Variants in OSBPL3 observed in about 807,000 individuals in gnomAD.
The protein encoded by OSBPL3 is oxysterol binding protein like 3.
OSBPL3 carries 65 observed loss-of-function variants against 120.1 expected under a neutral mutation model. That is an observed-to-expected ratio of 0.54 (90% CI 0.44 to 0.67). The LOEUF is 0.67. Ranked by LOEUF, OSBPL3 falls within the 30% of genes least tolerant of loss-of-function variation. The probability of loss-of-function intolerance (pLI) is 0.00; values close to 1 mark genes in which losing one functional copy is unlikely to be tolerated. For missense variants in OSBPL3, 1,004 were observed against 1,082.1 expected (o/e 0.93, Z 1.01); for synonymous variants, 416 against 402.6 (o/e 1.03, Z -0.40).
rs890688023 is a variant in OSBPL3, at chr7:24,891,905, G to A, written c.96+472C>T. ...TCTGTGGTTACAAGCTGCCATAAAA[G>A]GTTTGATGAAGGGAAGAAAGTTGGG... On this transcript the variant is annotated intron_variant, in intron 2 of 22. Coordinates refer to ENST00000313367, the MANE Select transcript of OSBPL3 (RefSeq NM_015550.4). The surrounding 1 kb of genome is among the most constrained non-coding windows in gnomAD (Gnocchi z 4.1). 6.6e-6 allele frequency among the ~76,000 whole-genome samples: 1 copy of A among 152,156 alleles called. No homozygotes were observed. Among genetic ancestry groups the A allele is most frequent in the African/African-American group, 2.4e-5 (1 of 41,438 alleles).
chr7:24,828,169 C>CATGT (rs1346115102), intron 16 of OSBPL3, among the ~76,000 whole-genome samples: 1 of 152,118 alleles, frequency 6.6e-6, no homozygotes, highest in Non-Finnish European at 1.5e-5. Context: ...GGATTATAGG[C>CATGT]ATGTGACACC....
intron 20 of OSBPL3, among the ~76,000 whole-genome samples, chr7:24,807,135 C>A (rs1247691941): frequency 6.6e-6 from 1 of 152,154 alleles, no homozygotes; most frequent in African/African-American, 2.4e-5. Flanking sequence ...GGTCAGAAAG[C>A]AAATTTATAC....
Position 24,892,369 on chromosome 7 carries a change from A to C in OSBPL3, c.96+8T>G. ...TGCATATTAAAATTTGCATGAGTTA[A>C]ACTTTACCTGTCGACTTCCTTGCTT... On this transcript the variant is annotated splice_region_variant and intron_variant, in intron 2 of 22. Transcript: ENST00000313367. The C allele has an allele frequency of 6.2e-7, 1 of 1,612,598 alleles. No homozygotes were observed. The highest frequency in any genetic ancestry group is 1.1e-5 in the South Asian group (1 of 90,988).
intron 1 of OSBPL3, among the ~76,000 whole-genome samples, chr7:24,976,448 C>T (rs1432405157): frequency 6.6e-6 from 1 of 152,078 alleles, no homozygotes; most frequent in Non-Finnish European, 1.5e-5. Flanking sequence ...AACTAAGATG[C>T]TGCAGGGCCT....
At chr7:24,929,781 T>C (rs1050781854) in intron 1 of OSBPL3, among the ~76,000 whole-genome samples, 13 of 152,230 alleles carry the variant, frequency 8.5e-5, no homozygotes, top group African/African-American at 3.1e-4. Context: ...TTAAAAAACG[T>C]TTCTGATTCC....
rs1218813371 is a variant in OSBPL3, at chr7:24,845,388, A to T, written c.1267-2975T>A. Among the ~76,000 whole-genome samples, 12 of 69,046 alleles carry T rather than the reference A, an allele frequency of 1.7e-4. No homozygotes were observed. The East Asian group carries it at 3.4e-3, about 20-fold the overall frequency. 45.3% of individuals were successfully genotyped at this position (69,046 alleles called of 152,430 possible). ...TTACAAATATTGCAAAATAAGTAAA[A>T]AAAAAAAAAAAAAAAAAAAAAAAAA... On this transcript the variant is annotated intron_variant, in intron 12 of 22. Coordinates refer to ENST00000313367, the MANE Select transcript of OSBPL3 (RefSeq NM_015550.4).
chr7:24,916,129 G>A lies in OSBPL3; in HGVS notation c.-149-23508C>T, dbSNP rs576261582. ...CCATCCTGACTCCCAACCTTGTGAT[G>A]GTTTTCACCTCTCTTCTGAACCTAA... On this transcript the variant is annotated intron_variant, in intron 1 of 22. Coordinates refer to ENST00000313367, the MANE Select transcript of OSBPL3 (RefSeq NM_015550.4). The surrounding 1 kb of genome is among the most constrained non-coding windows in gnomAD (Gnocchi z 4.9). Among the ~76,000 whole-genome samples the A allele has an allele frequency of 1.1e-3, 167 of 152,242 alleles. No homozygotes were observed. The highest frequency in any genetic ancestry group is 3.9e-3 in the African/African-American group (163 of 41,548).
chr7:24,871,713 T>C lies in OSBPL3; in HGVS notation c.267+29A>G. 1.3e-6 allele frequency: 2 copies of C among 1,569,360 alleles called. No homozygotes were observed. The highest frequency in any genetic ancestry group is 1.8e-6 in the Non-Finnish European group (2 of 1,140,100). On this transcript the variant is annotated intron_variant, in intron 4 of 22. Transcript: ENST00000313367. This position sits in a 1 kb window ranked among gnomAD's most constrained non-coding sequence, Gnocchi z 4.8. ...TGGTTACCCCTTTAGGATTCTTCAA[T>C]ACCACAGTGGGCCCACAAAAAGACT...
rs938421213 is a variant in OSBPL3, at chr7:24,822,030, C to A, written c.1885-1792G>T. 2.0e-5 allele frequency among the ~76,000 whole-genome samples: 3 copies of A among 152,076 alleles called. No homozygotes were observed. The highest frequency in any genetic ancestry group is 4.4e-5 in the Non-Finnish European group (3 of 68,010). ...CTGGGACTAAAGGTGTGTGCCACCACGCCCGGCTAATTTTTTCACTTTTTG... is the reference window on the plus strand; with the variant it reads ...CTGGGACTAAAGGTGTGTGCCACCAAGCCCGGCTAATTTTTTCACTTTTTG... On this transcript the variant is annotated intron_variant, in intron 16 of 22. Coordinates refer to ENST00000313367, the MANE Select transcript of OSBPL3 (RefSeq NM_015550.4). The surrounding 1 kb of genome is among the most constrained non-coding windows in gnomAD (Gnocchi z 5.8).
In OSBPL3 at chr7:24,820,316, A is replaced by G; in HGVS notation, c.1885-78T>C. The stretch of plus-strand genomic sequence containing the variant: ...ATGAAATCCATTCTTTCTCCCCTGC[A>G]CTGAGATGTAACAGCGTGCAATGCT... On this transcript the variant is annotated intron_variant, in intron 16 of 22. Coordinates refer to ENST00000313367, the MANE Select transcript of OSBPL3 (RefSeq NM_015550.4). This position sits in a 1 kb window ranked among gnomAD's most constrained non-coding sequence, Gnocchi z 4.6. 1.9e-6 allele frequency: 2 copies of G among 1,055,532 alleles called. No individual in the cohort carries two copies. The highest frequency in any genetic ancestry group is 1.3e-5 in the South Asian group (1 of 75,376). 65.4% of individuals were successfully genotyped at this position (1,055,532 alleles called of 1,614,324 possible).
rs374754712 is a variant in OSBPL3, at chr7:24,828,500, C to T, written c.1884+2268G>A. Reference sequence around the variant, plus strand: ...GCACAAGCCTGTAGTCCCAGCTACTCGGGAGGCTGAGGTGCGAGGATCACT... The same window carrying T: ...GCACAAGCCTGTAGTCCCAGCTACTTGGGAGGCTGAGGTGCGAGGATCACT... On this transcript the variant is annotated intron_variant, in intron 16 of 22. Transcript: ENST00000313367. Among the ~76,000 whole-genome samples, 7 of 149,082 alleles carry T rather than the reference C, an allele frequency of 4.7e-5. No homozygotes were observed. In the East Asian group the frequency reaches 8.3e-4, roughly 18 times the overall value.
At chr7:24,927,824 C>G (rs1302782980) in intron 1 of OSBPL3, among the ~76,000 whole-genome samples, 2 of 152,130 alleles carry the variant, frequency 1.3e-5, no homozygotes, top group African/African-American at 4.8e-5. Flanking sequence ...TACCCTATCT[C>G]TTTTTGTAAA....
chr7:24,889,098 T>C (rs1462459945), intron 2 of OSBPL3, among the ~76,000 whole-genome samples: 2 of 152,182 alleles, frequency 1.3e-5, no homozygotes, highest in African/African-American at 2.4e-5. Context: ...GTCTGTGTGA[T>C]AAAGAAACAA....
Position 24,916,297 on chromosome 7 carries a change from C to T in OSBPL3, c.-149-23676G>A, listed in dbSNP as rs1809541979. 6.6e-6 allele frequency among the ~76,000 whole-genome samples: 1 copy of T among 152,138 alleles called. No individual in the cohort carries two copies. Among genetic ancestry groups the T allele is most frequent in the Non-Finnish European group, 1.5e-5 (1 of 68,022 alleles). ...ACTCAGTCTTACACAATTATTTCTGCCCATCATTTATCTACCCATCCTTCT... is the reference window on the plus strand; with the variant it reads ...ACTCAGTCTTACACAATTATTTCTGTCCATCATTTATCTACCCATCCTTCT... On this transcript the variant is annotated intron_variant, in intron 1 of 22. Transcript: ENST00000313367. This position sits in a 1 kb window ranked among gnomAD's most constrained non-coding sequence, Gnocchi z 4.9.
Position 24,805,490 on chromosome 7 carries a change from C to T in OSBPL3, c.2445-1053G>A, listed in dbSNP as rs960981992. Reference sequence around the variant, plus strand: ...ACAATGCTTGCCATTCTTTAAACACCACATACGTTATTAATATATACTGTA... The same window carrying T: ...ACAATGCTTGCCATTCTTTAAACACTACATACGTTATTAATATATACTGTA... On this transcript the variant is annotated intron_variant, in intron 21 of 22. Coordinates refer to ENST00000313367, the MANE Select transcript of OSBPL3 (RefSeq NM_015550.4). This position sits in a 1 kb window ranked among gnomAD's most constrained non-coding sequence, Gnocchi z 4.0. Among the ~76,000 whole-genome samples the T allele has an allele frequency of 1.3e-5, 2 of 152,026 alleles. No homozygotes were observed. Among genetic ancestry groups the T allele is most frequent in the Admixed American group, 6.5e-5 (1 of 15,274 alleles).
rs184399426 is a variant in OSBPL3, at chr7:24,952,077, G to A, written c.-150+27809C>T. On this transcript the variant is annotated intron_variant, in intron 1 of 22. Coordinates refer to ENST00000313367, the MANE Select transcript of OSBPL3 (RefSeq NM_015550.4). This position sits in a 1 kb window ranked among gnomAD's most constrained non-coding sequence, Gnocchi z 4.4. Reference sequence around the variant, plus strand: ...AGGAAGAACACGAATGAATGTAGAGGGGCCTCCCCACCGGCCATTCTTTCA... The same window carrying A: ...AGGAAGAACACGAATGAATGTAGAGAGGCCTCCCCACCGGCCATTCTTTCA... 1.3e-4 allele frequency among the ~76,000 whole-genome samples: 20 copies of A among 152,186 alleles called. No homozygotes were observed. Among genetic ancestry groups the A allele is most frequent in the Admixed American group, 5.9e-4 (9 of 15,292 alleles).
chr7:24,868,325 GA>G (rs1373943961), intron 5 of OSBPL3, among the ~76,000 whole-genome samples: 55 of 111,414 alleles, frequency 4.9e-4, no homozygotes, highest in Non-Finnish European at 7.9e-4. Flanking sequence ...TCAAAAAAAA[GA>G]AAAAAAAAAA....
chr7:24,917,411 T>TATATATATTTGTAAC (rs1809770045), intron 1 of OSBPL3, among the ~76,000 whole-genome samples: 27 of 137,574 alleles, frequency 2.0e-4, no homozygotes, highest in African/African-American at 6.6e-4. Flanking sequence ...CATATATATA[T>TATATATATTTGTAAC]ATATATATAT....
Position 24,933,832 on chromosome 7 carries a change from C to T in OSBPL3, c.-149-41211G>A, listed in dbSNP as rs1812073511. On this transcript the variant is annotated intron_variant, in intron 1 of 22. Coordinates refer to ENST00000313367, the MANE Select transcript of OSBPL3 (RefSeq NM_015550.4). This position sits in a 1 kb window ranked among gnomAD's most constrained non-coding sequence, Gnocchi z 5.1. ...TGCTATCAAAGTTTGGAATTTCAGT[C>T]AAATATACAGCGAAACATATATACA... Among the ~76,000 whole-genome samples the T allele has an allele frequency of 6.6e-6, 1 of 152,108 alleles. No individual in the cohort carries two copies. Among genetic ancestry groups the T allele is most frequent in the Non-Finnish European group, 1.5e-5 (1 of 68,004 alleles).
Sources: allele counts gnomAD v4.1 joint callset (sites outside exome capture counted in the v4.1 genomes callset), GRCh38; gene constraint gnomAD v4.1.1; non-coding constraint Gnocchi (gnomAD v3.1); transcripts MANE v1.5; gene names NCBI Gene and HGNC (gene_info 2026-07-23, HGNC 2026-07-21).